PCDH11X: variants seen among roughly 807,000 people sequenced by gnomAD.
The protein encoded by PCDH11X is protocadherin-11 X-linked.
PCDH11X carries 18 observed loss-of-function variants against 53.3 expected under a neutral mutation model. The observed-to-expected ratio is 0.34, with a 90% CI of 0.23 to 0.50. The LOEUF is 0.50. PCDH11X is among the 20% of genes least tolerant of loss of function. The pLI is 0.98. For synonymous variants in PCDH11X, 279 were observed against 393.3 expected, an observed-to-expected ratio of 0.71 and a Z score of 3.44; for missense variants, 570 against 1,032.4, an observed-to-expected ratio of 0.55 and a Z score of 6.14.
rs749551104 is a variant in PCDH11X, at chrX:92,592,598, G to A, written c.3368-25666G>A. ...TACAAAAAATTAGCAGGGCTTTGTG[G>A]CATGCACCTGTAGTCCCAGGTATTG... is the stretch of plus-strand genomic sequence containing the variant. On this transcript the variant is annotated intron_variant, in intron 10 of 10. Coordinates refer to ENST00000682573, the MANE Select transcript of PCDH11X (RefSeq NM_032968.5). Among the ~76,000 whole-genome samples, 678 of 110,004 alleles carry A rather than the reference G, an allele frequency of 6.2e-3. 4 individuals are homozygous for A. The highest frequency in any genetic ancestry group is 0.021 in the African/African-American group (643 of 30,198).
intron 8 of PCDH11X, among the ~76,000 whole-genome samples, chrX:92,319,998 C>T (rs762796878): frequency 9.0e-6 from 1 of 110,756 alleles, no homozygotes; most frequent in Non-Finnish European, 1.9e-5. Flanking sequence ...AATCAATGTT[C>T]ATGTATGTTC....
At chrX:91,989,090 T>C (rs2062274349) in intron 6 of PCDH11X, among the ~76,000 whole-genome samples, 1 of 110,537 alleles carries the variant, frequency 9.0e-6, no homozygotes, top group Non-Finnish European at 1.9e-5. Flanking sequence ...TGAGACCCTG[T>C]TTCATTGGAC....
At chrX:92,276,748 G>C (rs1569451881) in intron 8 of PCDH11X, among the ~76,000 whole-genome samples, 1 of 111,711 alleles carries the variant, frequency 9.0e-6, no homozygotes, top group South Asian at 3.8e-4. Context: ...TTAATGTCGG[G>C]AGCAGATTGG....
At chrX:92,480,807 T>G (rs1340369825) in intron 10 of PCDH11X, among the ~76,000 whole-genome samples, 1 of 111,821 alleles carries the variant, frequency 8.9e-6, no homozygotes, top group African/African-American at 3.3e-5. Context: ...TCAGTGGCAG[T>G]GGGATCTGTC....
intron 6 of PCDH11X, among the ~76,000 whole-genome samples, chrX:91,969,216 G>T (rs1157751141): frequency 1.8e-5 from 2 of 109,615 alleles, no homozygotes; most frequent in African/African-American, 6.7e-5. Context: ...CCTCAGAAAG[G>T]GTGGCTTAAT....
chrX:92,369,846 C>T (rs1367825507), intron 8 of PCDH11X, among the ~76,000 whole-genome samples: 2 of 109,298 alleles, frequency 1.8e-5, no homozygotes, highest in East Asian at 2.9e-4. Flanking sequence ...TAACCAGTTC[C>T]AATGAGATGA....
chrX:91,844,619 C>T (rs1353495039), intron 5 of PCDH11X, among the ~76,000 whole-genome samples: 2 of 107,493 alleles, frequency 1.9e-5, no homozygotes, highest in African/African-American at 6.8e-5. Context: ...TTTTGTAGAA[C>T]AGGTGTGTAA....
chrX:91,849,446 C>T (rs1321874453), intron 5 of PCDH11X, among the ~76,000 whole-genome samples: 4 of 109,903 alleles, frequency 3.6e-5, no homozygotes, highest in African/African-American at 1.3e-4. Context: ...CTCTCACCCT[C>T]CACCCTAAAG....
chrX:92,183,248 CTTTTTTT>C (rs60978254), intron 6 of PCDH11X, among the ~76,000 whole-genome samples: 2 of 52,296 alleles, frequency 3.8e-5, no homozygotes, highest in African/African-American at 1.5e-4. Flanking sequence ...CTAGAGAAAC[CTTTTTTT>C]TTTTTTTTTT....
intron 6 of PCDH11X, among the ~76,000 whole-genome samples, chrX:92,103,139 G>T (rs1399345476): frequency 9.0e-6 from 1 of 110,628 alleles, no homozygotes; most frequent in Non-Finnish European, 1.9e-5. Context: ...TTGGGTTGGG[G>T]AGAAGGGCGG....
At chrX:92,525,752 A>T (rs898768233) in intron 10 of PCDH11X, among the ~76,000 whole-genome samples, 1 of 111,464 alleles carries the variant, frequency 9.0e-6, no homozygotes, top group African/African-American at 3.3e-5. Context: ...AAATATTATA[A>T]CGATATCCTT....
intron 6 of PCDH11X, among the ~76,000 whole-genome samples, chrX:92,037,819 G>A (rs1416002715): frequency 3.7e-5 from 4 of 108,410 alleles, no homozygotes; most frequent in African/African-American, 1.3e-4. Context: ...TTTTGTGTAT[G>A]TTTGTTGGCC....
At chrX:92,571,888 A>G (rs1028289788) in intron 10 of PCDH11X, among the ~76,000 whole-genome samples, 5 of 112,209 alleles carry the variant, frequency 4.5e-5, no homozygotes, top group African/African-American at 1.6e-4. Flanking sequence ...TGGGACCAAT[A>G]TTTAATAGGG....
At chrX:92,150,739 A>G (rs1215645783) in intron 6 of PCDH11X, among the ~76,000 whole-genome samples, 1 of 111,098 alleles carries the variant, frequency 9.0e-6, no homozygotes, top group African/African-American at 3.3e-5. Flanking sequence ...ATAGTTTTTC[A>G]TGTAGAAATC....
intron 6 of PCDH11X, among the ~76,000 whole-genome samples, chrX:92,002,942 G>A (rs1290037747): frequency 2.0e-5 from 2 of 98,287 alleles, no homozygotes; most frequent in African/African-American, 7.3e-5. Context: ...TAACAGTAGT[G>A]GCAGTGGGCA....
intron 7 of PCDH11X, among the ~76,000 whole-genome samples, chrX:92,226,982 C>T (rs898145149): frequency 2.7e-5 from 3 of 111,772 alleles, no homozygotes; most frequent in African/African-American, 9.8e-5. Context: ...GAAATACCCA[C>T]ATTAATTTTT....
At chrX:92,194,022 G>T (rs187929398) in intron 6 of PCDH11X, among the ~76,000 whole-genome samples, 1 of 111,623 alleles carries the variant, frequency 9.0e-6, no homozygotes, top group South Asian at 3.7e-4. Flanking sequence ...CAAGAGACTC[G>T]CCCAGGTACT....
At chrX:91,783,189 G>T (rs1325164044) in intron 1 of PCDH11X, among the ~76,000 whole-genome samples, 1 of 111,420 alleles carries the variant, frequency 9.0e-6, no homozygotes, top group Non-Finnish European at 1.9e-5. Flanking sequence ...CTTTCATGAC[G>T]TATAGCTGGC....
At chrX:92,142,361 TGCGC>T (rs1202141800) in intron 6 of PCDH11X, among the ~76,000 whole-genome samples, 1 of 75,494 alleles carries the variant, frequency 1.3e-5, no homozygotes, top group African/African-American at 4.4e-5. Flanking sequence ...TCCATGCATG[TGCGC>T]GCGCGCACAC....
Sources: allele counts gnomAD v4.1 joint callset (sites outside exome capture counted in the v4.1 genomes callset), GRCh38; gene constraint gnomAD v4.1.1; transcripts MANE v1.5; gene names NCBI Gene and HGNC (gene_info 2026-07-23, HGNC 2026-07-21).